Variants in AP4E1 observed in about 807,000 individuals in gnomAD.
AP4E1 encodes adaptor related protein complex 4 subunit epsilon 1.
In AP4E1, 56 loss-of-function variants were observed where a neutral mutation model predicts 128.2. That is an observed-to-expected ratio of 0.44 (90% CI 0.35 to 0.55). The LOEUF is 0.55. Ranked by LOEUF, AP4E1 falls within the 20% of genes least tolerant of loss-of-function variation. AP4E1 has a pLI of 0.00. For missense variants in AP4E1, 1,324 were observed against 1,307.7 expected, an observed-to-expected ratio of 1.01 and a Z score of -0.19; for synonymous variants, 484 against 473.1, an observed-to-expected ratio of 1.02 and a Z score of -0.30.
chr15:50,993,261 A>C, intron 16 of AP4E1, 109 bp from the exon 17 acceptor site: 1 of 1,126,658 alleles, frequency 8.9e-7, no homozygotes, highest in African/African-American at 1.6e-5. Flanking sequence ...ATAATGTGAC[A>C]GTTGTTTTTA....
chr15:50,915,077 C>T (rs772977919), intron 2 of AP4E1, among the ~76,000 whole-genome samples: 10 of 152,144 alleles, frequency 6.6e-5, no homozygotes, highest in Non-Finnish European at 1.0e-4. Flanking sequence ...ACAAAGTCTA[C>T]TAAAATTATG....
intron 15 of AP4E1, 73 bp from the exon 16 acceptor site, chr15:50,983,949 T>C (rs954894133): frequency 1.4e-6 from 2 of 1,472,912 alleles, no homozygotes; most frequent in Non-Finnish European, 1.9e-6. Flanking sequence ...ATTATTGTGG[T>C]AGTGAATGGT....
chr15:50,909,068 C>G (rs2063532516), intron 1 of AP4E1, 140 bp downstream of exon 1: 2 of 1,362,238 alleles, frequency 1.5e-6, no homozygotes, highest in Admixed American at 2.7e-5. Flanking sequence ...TCGGTTCGTC[C>G]TTTCGTCTGC....
chr15:50,945,214 GAACT>G (rs1360871284), intron 10 of AP4E1: 8 of 809,844 alleles, frequency 9.9e-6, no homozygotes, highest in African/African-American at 8.3e-5. Context: ...GATGAACAAA[GAACT>G]AATCCTGTAT....
chr15:50,955,544 T>G (rs775304076), intron 13 of AP4E1, among the ~76,000 whole-genome samples: 3 of 152,224 alleles, frequency 2.0e-5, no homozygotes, highest in Admixed American at 6.5e-5. Flanking sequence ...TATTAATTGT[T>G]GAGAGAAGGG....
In AP4E1 at chr15:50,949,714, G is replaced by A. The variant is rs76333622; in HGVS notation, c.1317-112G>A. ...GAACAATTTATGGCAGAGGTTAAAG[G>A]TAAAACTGCCATACTAGGATGAATT... On this transcript the variant is annotated intron_variant, in intron 11 of 20. Transcript: ENST00000261842. 4.8e-3 allele frequency: 3,922 copies of A among 816,856 alleles called. 105 individuals are homozygous for A. In the African/African-American group the frequency reaches 0.059, roughly 12 times the overall value. 50.6% of individuals were successfully genotyped at this position (816,856 alleles called of 1,614,324 possible).
chr15:50,945,112 A>G, intron 10 of AP4E1: 2 of 794,584 alleles, frequency 2.5e-6, no homozygotes, highest in South Asian at 1.3e-5. Flanking sequence ...GAACCATTAC[A>G]TACAACATTA....
chr15:50,986,999 C>G (rs899100132), intron 16 of AP4E1, among the ~76,000 whole-genome samples: 1 of 152,182 alleles, frequency 6.6e-6, no homozygotes, highest in African/African-American at 2.4e-5. Context: ...TGTTATTGGT[C>G]TACTCAGAGA....
At chr15:50,981,489 A>G (rs2064641957) in intron 15 of AP4E1, among the ~76,000 whole-genome samples, 1 of 152,146 alleles carries the variant, frequency 6.6e-6, no homozygotes, top group Admixed American at 6.5e-5. Flanking sequence ...CTGGAGAGAA[A>G]TTTGCTTTTA....
At chr15:51,001,239 G>T in intron 20 of AP4E1, 56 bp downstream of exon 20, 1 of 1,510,262 alleles carries the variant, frequency 6.6e-7, no homozygotes, top group Non-Finnish European at 9.1e-7. Flanking sequence ...CTTATAATTG[G>T]AACACAAATC....
chr15:50,965,348 G>A (rs1409696983), intron 14 of AP4E1, among the ~76,000 whole-genome samples: 1 of 152,170 alleles, frequency 6.6e-6, no homozygotes, highest in East Asian at 1.9e-4. Flanking sequence ...TCAGATCCCT[G>A]GGCAGTGTGT....
At chr15:50,947,759 G>A (rs2064082561) in intron 10 of AP4E1, among the ~76,000 whole-genome samples, 1 of 152,134 alleles carries the variant, frequency 6.6e-6, no homozygotes, top group Admixed American at 6.5e-5. Flanking sequence ...TAAGTGTTCT[G>A]TCATGTAGAG....
chr15:50,999,379 G>T (rs12904382), intron 19 of AP4E1, 117 bp downstream of exon 19: 1 of 781,868 alleles, frequency 1.3e-6, no homozygotes, highest in East Asian at 2.7e-5. Flanking sequence ...TAAAAACTAC[G>T]CACAGTTCCT....
At chr15:50,914,541 C>T (rs1023087296) in intron 2 of AP4E1, among the ~76,000 whole-genome samples, 1 of 150,522 alleles carries the variant, frequency 6.6e-6, no homozygotes, top group Non-Finnish European at 1.5e-5. Flanking sequence ...GTCCTGGCTA[C>T]TAGAGAGGCT....
chr15:50,941,505 A>C lies in AP4E1; in HGVS notation c.1007A>C (p.Lys336Thr), dbSNP rs1468128998. The C allele has an allele frequency of 1.1e-5, 17 of 1,613,054 alleles. No homozygotes were observed. The highest frequency in any genetic ancestry group is 1.4e-5 in the Non-Finnish European group (16 of 1,179,544). ...TATCCTAAATCGGAATTACTTGAGA[A>C]GGCTGCCAAGTGCATTGGAAAATTT... ...SIYPKSELLE[K>T]AAKCIGKFVL... The change falls in exon 9 of 21, where the codon AAG becomes ACG. Residue 336 changes from lysine to threonine, a missense_variant. Transcript: ENST00000261842.
intron 8 of AP4E1, among the ~76,000 whole-genome samples, chr15:50,936,875 G>C (rs2063914695): frequency 6.6e-6 from 1 of 152,112 alleles, no homozygotes; most frequent in Non-Finnish European, 1.5e-5. Flanking sequence ...GGGAGGCAGA[G>C]GTTACAGTGA....
At chr15:50,961,608 G>A (rs186866239) in intron 14 of AP4E1, among the ~76,000 whole-genome samples, 3 of 151,666 alleles carry the variant, frequency 2.0e-5, no homozygotes, top group East Asian at 1.9e-4. Flanking sequence ...AATACTCAAC[G>A]TCATAAAGCC....
chr15:50,999,293 T>G (rs777147848), intron 19 of AP4E1, 31 bp downstream of exon 19: 4 of 1,578,766 alleles, frequency 2.5e-6, no homozygotes, highest in Non-Finnish European at 3.5e-6. Flanking sequence ...TAATTCAAGT[T>G]GTTAATTCAC....
chr15:50,994,778 C>T (rs2064847475), intron 17 of AP4E1, among the ~76,000 whole-genome samples: 1 of 152,120 alleles, frequency 6.6e-6, no homozygotes, highest in South Asian at 2.1e-4. Context: ...TAGAAGTATT[C>T]CTGCCTATTT....
Sources: allele counts gnomAD v4.1 joint callset (sites outside exome capture counted in the v4.1 genomes callset), GRCh38; gene constraint gnomAD v4.1.1; transcripts MANE v1.5; gene names NCBI Gene and HGNC (gene_info 2026-07-23, HGNC 2026-07-21).